CPNE8: variants seen among roughly 807,000 people sequenced by gnomAD.
CPNE8 encodes the protein copine-8.
A neutral mutation model predicts 81.5 loss-of-function variants in CPNE8; 45 were observed. The observed-to-expected ratio is 0.55, with a 90% confidence interval of 0.44 to 0.71. CPNE8 has a LOEUF of 0.71. Ranked by LOEUF, CPNE8 falls within the 30% of genes least tolerant of loss-of-function variation. CPNE8 has a pLI of 0.00. For synonymous variants in CPNE8, 252 were observed against 226.3 expected (o/e 1.11, Z -1.02); for missense variants, 594 against 672.1 (o/e 0.88, Z 1.28).
At chr12:38,868,071 T>C (rs1943940990) in intron 3 of CPNE8, among the ~76,000 whole-genome samples, 1 of 152,152 alleles carries the variant, frequency 6.6e-6, no homozygotes, top group Non-Finnish European at 1.5e-5. Context: ...TCTCAGAACA[T>C]AAATTCATAT....
intron 10 of CPNE8, among the ~76,000 whole-genome samples, chr12:38,755,717 T>G (rs941652242): frequency 6.6e-6 from 1 of 152,166 alleles, no homozygotes; most frequent in South Asian, 2.1e-4. Flanking sequence ...CCTCTAACTC[T>G]CAGACCCTTG....
intron 1 of CPNE8, among the ~76,000 whole-genome samples, chr12:38,896,487 A>T (rs1432483514): frequency 6.6e-6 from 1 of 152,116 alleles, no homozygotes; most frequent in African/African-American, 2.4e-5. Flanking sequence ...GCCTTACCTC[A>T]GCCTGTATTG....
intron 6 of CPNE8, among the ~76,000 whole-genome samples, chr12:38,803,673 G>A (rs1481319834): frequency 6.7e-6 from 1 of 149,972 alleles, no homozygotes; most frequent in African/African-American, 2.4e-5. Flanking sequence ...TCAGGCAGGA[G>A]AAGGAAATAA....
upstream of CPNE8, chr12:38,905,638 A>G (rs1348992110): frequency 6.6e-7 from 1 of 1,506,846 alleles, no homozygotes; most frequent in Non-Finnish European, 8.9e-7. Context: ...GGGTGGAGGC[A>G]GAAGAAGGAG....
At chr12:38,888,296 A>G (rs1944264075) in intron 1 of CPNE8, among the ~76,000 whole-genome samples, 1 of 152,236 alleles carries the variant, frequency 6.6e-6, no homozygotes, top group Non-Finnish European at 1.5e-5. Context: ...TCAAAAGAAA[A>G]TCTTTATCTA....
intron 15 of CPNE8, 55 bp from the exon 16 acceptor site, chr12:38,685,672 C>T (rs1939517162): frequency 1.3e-6 from 2 of 1,560,416 alleles, no homozygotes; most frequent in Non-Finnish European, 1.7e-6. Flanking sequence ...AGTAAATCTC[C>T]ATGAAGATCA....
chr12:38,828,672 G>T (rs571431987), intron 6 of CPNE8, among the ~76,000 whole-genome samples: 1 of 152,164 alleles, frequency 6.6e-6, no homozygotes, highest in Non-Finnish European at 1.5e-5. Context: ...TTTTGAGATT[G>T]TGGTTAACTC....
At chr12:38,891,055 A>T (rs1944308179) in intron 1 of CPNE8, among the ~76,000 whole-genome samples, 1 of 151,678 alleles carries the variant, frequency 6.6e-6, no homozygotes, top group Admixed American at 6.6e-5. Context: ...TCGCCCTCCC[A>T]AGTAGCTGGG....
At chr12:38,754,937 A>G (rs1941427413) in intron 10 of CPNE8, among the ~76,000 whole-genome samples, 1 of 152,214 alleles carries the variant, frequency 6.6e-6, no homozygotes, top group Admixed American at 6.5e-5. Context: ...AAGATTCCAC[A>G]GAGTAAGTGA....
At chr12:38,799,715 C>T (rs11523606) in intron 6 of CPNE8, among the ~76,000 whole-genome samples, 46,744 of 148,278 alleles carry the variant, frequency 0.32, 8,377 homozygotes, top group Non-Finnish European at 0.41. Context: ...ACGCAGAAGA[C>T]GGGTGATTTC....
At chr12:38,787,255 T>C (rs890997584) in intron 6 of CPNE8, among the ~76,000 whole-genome samples, 3 of 152,022 alleles carry the variant, frequency 2.0e-5, no homozygotes, top group Admixed American at 6.6e-5. Flanking sequence ...ATATTAAGCA[T>C]TTTCTCTGAC....
At chr12:38,771,437 G>A (rs1422747411) in intron 7 of CPNE8, among the ~76,000 whole-genome samples, 3 of 151,966 alleles carry the variant, frequency 2.0e-5, no homozygotes, top group Non-Finnish European at 4.4e-5. Context: ...CTGCACTTCA[G>A]CCTGGGCAAT....
intron 7 of CPNE8, among the ~76,000 whole-genome samples, chr12:38,771,154 T>C (rs956555703): frequency 6.6e-6 from 1 of 152,120 alleles, no homozygotes; most frequent in African/African-American, 2.4e-5. Flanking sequence ...AATTTCAAGC[T>C]ACTTTTAAAA....
intron 17 of CPNE8, among the ~76,000 whole-genome samples, chr12:38,676,668 T>C (rs1246681156): frequency 6.6e-6 from 1 of 152,174 alleles, no homozygotes; most frequent in Non-Finnish European, 1.5e-5. Context: ...TTTTTCCATA[T>C]AATATATCAC....
At chr12:38,713,203 C>G (rs900592974) in intron 13 of CPNE8, among the ~76,000 whole-genome samples, 1 of 152,166 alleles carries the variant, frequency 6.6e-6, no homozygotes, top group African/African-American at 2.4e-5. Context: ...TGAAATTGGG[C>G]TGACTTTTTC....
intron 3 of CPNE8, among the ~76,000 whole-genome samples, chr12:38,866,366 A>G (rs1361037915): frequency 6.6e-6 from 1 of 152,226 alleles, no homozygotes; most frequent in Non-Finnish European, 1.5e-5. Flanking sequence ...ACAGAAAACA[A>G]AACAAAATAA....
intron 11 of CPNE8, among the ~76,000 whole-genome samples, chr12:38,728,524 G>T (rs1264961969): frequency 7.9e-5 from 12 of 151,976 alleles, no homozygotes; most frequent in African/African-American, 2.9e-4. Flanking sequence ...TTTGTCAACT[G>T]AGATTTTCCT....
At chr12:38,705,391 A>AT (rs544235526) in intron 13 of CPNE8, among the ~76,000 whole-genome samples, 112 of 152,112 alleles carry the variant, frequency 7.4e-4, no homozygotes, top group Admixed American at 1.7e-3. Context: ...AAATTCACAC[A>AT]TTTTTTTTCC....
At chr12:38,663,666 T>A (rs1203676836) in intron 19 of CPNE8, among the ~76,000 whole-genome samples, 1 of 152,132 alleles carries the variant, frequency 6.6e-6, no homozygotes, top group African/African-American at 2.4e-5. Context: ...AATAAATAGC[T>A]GCATTGCCAT....
Sources: gnomAD v4.1 joint callset for allele counts (sites outside exome capture counted in the v4.1 genomes callset) on GRCh38, gnomAD v4.1.1 for gene constraint, MANE v1.5 for transcripts, NCBI Gene and HGNC (gene_info 2026-07-23, HGNC 2026-07-21) for gene names.